SGCZ: variants seen among roughly 807,000 people sequenced by gnomAD.
The protein encoded by SGCZ is sarcoglycan zeta.
SGCZ carries 40 observed loss-of-function variants against 41.3 expected under a neutral mutation model. That is an observed-to-expected ratio of 0.97 (90% confidence interval 0.75 to 1.26). SGCZ has a LOEUF of 1.26. Among genes scored for constraint, SGCZ ranks in the 50% most tolerant of loss-of-function variants. SGCZ has a pLI of 0.00. For synonymous variants in SGCZ, 206 were observed against 137.5 expected, an observed-to-expected ratio of 1.50 and a Z score of -3.49; for missense variants, 552 against 369.8, an observed-to-expected ratio of 1.49 and a Z score of -4.04.
intron 1 of SGCZ, among the ~76,000 whole-genome samples, chr8:15,045,387 G>A (rs1339658745): frequency 6.6e-6 from 1 of 151,992 alleles, no homozygotes; most frequent in East Asian, 1.9e-4. Flanking sequence ...ATATTTTATA[G>A]ACAGGTGCAA....
At chr8:15,068,626 T>C (rs977737378) in intron 1 of SGCZ, among the ~76,000 whole-genome samples, 4 of 152,216 alleles carry the variant, frequency 2.6e-5, no homozygotes, top group Non-Finnish European at 5.9e-5. Flanking sequence ...AAACTTTCCT[T>C]ACACATAACA....
At chr8:14,792,189 A>T (rs1800977012) in intron 1 of SGCZ, among the ~76,000 whole-genome samples, 1 of 152,226 alleles carries the variant, frequency 6.6e-6, no homozygotes, top group African/African-American at 2.4e-5. Context: ...TACATTACCC[A>T]TGAAGTGTCA....
intron 4 of SGCZ, among the ~76,000 whole-genome samples, chr8:14,236,602 C>A (rs975757454): frequency 6.6e-6 from 1 of 151,034 alleles, no homozygotes; most frequent in Non-Finnish European, 1.5e-5. Context: ...AATAAGAATA[C>A]CTCAGTCCTC....
At chr8:14,101,568 T>G (rs1225413151) in intron 7 of SGCZ, among the ~76,000 whole-genome samples, 2 of 76,546 alleles carry the variant, frequency 2.6e-5, no homozygotes, top group African/African-American at 5.7e-5. Context: ...TCTGCAGGAG[T>G]AGCAACAAGA....
chr8:14,191,337 T>G (rs529984975), intron 4 of SGCZ, among the ~76,000 whole-genome samples: 1 of 152,198 alleles, frequency 6.6e-6, no homozygotes, highest in African/African-American at 2.4e-5. Flanking sequence ...AGTTTTTAGT[T>G]TGATACAACC....
At chr8:14,625,678 A>T (rs1295272879) in intron 1 of SGCZ, among the ~76,000 whole-genome samples, 2 of 151,932 alleles carry the variant, frequency 1.3e-5, no homozygotes, top group Admixed American at 6.6e-5. Flanking sequence ...TAATTCTCCC[A>T]CCTTGGCCTC....
chr8:15,134,152 T>C (rs1462436797), intron 1 of SGCZ, among the ~76,000 whole-genome samples: 2 of 152,128 alleles, frequency 1.3e-5, no homozygotes, highest in African/African-American at 4.8e-5. Flanking sequence ...AAAATCAAGC[T>C]TTATCTTTAC....
intron 1 of SGCZ, among the ~76,000 whole-genome samples, chr8:15,223,852 A>T (rs1374285947): frequency 7.4e-6 from 1 of 134,298 alleles, no homozygotes; most frequent in African/African-American, 2.8e-5. Flanking sequence ...GCTCCTTTTT[A>T]AATTTTTATT....
At chr8:14,741,863 C>T (rs1799206375) in intron 1 of SGCZ, among the ~76,000 whole-genome samples, 1 of 151,516 alleles carries the variant, frequency 6.6e-6, no homozygotes, top group Admixed American at 6.6e-5. Context: ...TCAATATCAA[C>T]TTCTCTTTTA....
chr8:14,761,946 C>T (rs574953533), intron 1 of SGCZ, among the ~76,000 whole-genome samples: 1 of 152,104 alleles, frequency 6.6e-6, no homozygotes, highest in African/African-American at 2.4e-5. Flanking sequence ...GTCAGAACTG[C>T]ACCAATTTCT....
At chr8:14,934,361 G>C (rs1170239933) in intron 1 of SGCZ, among the ~76,000 whole-genome samples, 1 of 151,836 alleles carries the variant, frequency 6.6e-6, no homozygotes, top group Non-Finnish European at 1.5e-5. Context: ...GAGGTTCCAG[G>C]ATTGAAAGTA....
At chr8:14,417,061 T>C (rs1405480405) in intron 2 of SGCZ, among the ~76,000 whole-genome samples, 1 of 151,692 alleles carries the variant, frequency 6.6e-6, no homozygotes, top group Non-Finnish European at 1.5e-5. Context: ...AAGAAGAAAA[T>C]AAGGCCGGGC....
At chr8:14,572,226 T>A (rs1025449503) in intron 1 of SGCZ, among the ~76,000 whole-genome samples, 3 of 152,184 alleles carry the variant, frequency 2.0e-5, no homozygotes, top group African/African-American at 7.2e-5. Flanking sequence ...TATCTTTTTT[T>A]ATATTTCCAA....
intron 1 of SGCZ, among the ~76,000 whole-genome samples, chr8:14,639,573 T>C (rs1806951844): frequency 6.6e-6 from 1 of 151,738 alleles, no homozygotes. Context: ...AATATAGTCT[T>C]GGGTAATCTT....
chr8:14,423,810 C>G (rs756097468), intron 2 of SGCZ, among the ~76,000 whole-genome samples: 1 of 152,088 alleles, frequency 6.6e-6, no homozygotes, highest in African/African-American at 2.4e-5. Context: ...ACCACTCTCC[C>G]TCTCTCATTT....
intron 1 of SGCZ, among the ~76,000 whole-genome samples, chr8:14,669,967 A>G (rs2117507395): frequency 6.6e-6 from 1 of 152,294 alleles, no homozygotes; most frequent in East Asian, 1.9e-4. Context: ...TCTTCCTCTA[A>G]TTACTTATTA....
chr8:14,847,566 A>G (rs1344807374), intron 1 of SGCZ, among the ~76,000 whole-genome samples: 1 of 151,806 alleles, frequency 6.6e-6, no homozygotes, highest in African/African-American at 2.4e-5. Context: ...TGCTTAATAA[A>G]ATGTCTTTTT....
At chr8:15,221,822 C>T (rs1187249947) in intron 1 of SGCZ, among the ~76,000 whole-genome samples, 1 of 152,150 alleles carries the variant, frequency 6.6e-6, no homozygotes, top group African/African-American at 2.4e-5. Context: ...GAGAGAAACA[C>T]TGCATTTCGT....
At chr8:14,746,816 T>C (rs1368517661) in intron 1 of SGCZ, among the ~76,000 whole-genome samples, 1 of 152,210 alleles carries the variant, frequency 6.6e-6, no homozygotes, top group Non-Finnish European at 1.5e-5. Flanking sequence ...ATAAGTAGTC[T>C]CTTTTGAAAT....
Sources: allele counts gnomAD v4.1 joint callset (sites outside exome capture counted in the v4.1 genomes callset), GRCh38; gene constraint gnomAD v4.1.1; transcripts MANE v1.5; gene names NCBI Gene and HGNC (gene_info 2026-07-23, HGNC 2026-07-21).